ATP11B: variants seen among roughly 807,000 people sequenced by gnomAD.
ATP11B encodes phospholipid-transporting ATPase IF.
Under a neutral mutation model 157.8 loss-of-function variants are expected in ATP11B, and 81 were observed. The ratio of observed to expected loss-of-function variants is 0.51; its 90% CI spans 0.43 to 0.62. ATP11B has a LOEUF of 0.62. Ranked by LOEUF, ATP11B falls within the 20% of genes least tolerant of loss-of-function variation. ATP11B has a pLI of 0.00. For missense variants in ATP11B, 1,165 were observed against 1,402.2 expected, an observed-to-expected ratio of 0.83 and a Z score of 2.70; for synonymous variants, 451 against 469.4, an observed-to-expected ratio of 0.96 and a Z score of 0.51.
chr3:182,793,724 C>T lies in ATP11B; in HGVS notation c.-36C>T. 7.2e-7 allele frequency: 1 copy of T among 1,398,598 alleles called. No homozygotes were observed. Among genetic ancestry groups the T allele is most frequent in the South Asian group, 1.4e-5 (1 of 71,470 alleles). 86.6% of individuals were successfully genotyped at this position (1,398,598 alleles called of 1,614,324 possible). On this transcript the variant is annotated 5_prime_UTR_variant, in exon 1 of 30. Coordinates refer to ENST00000323116, the MANE Select transcript of ATP11B (RefSeq NM_014616.3). ...CCTCCACCTGCAGCCCCGCGGCCCC[C>T]GCGCCCCGCGGGACCCGGACGGCGA... is the stretch of plus-strand genomic sequence containing the variant.
chr3:182,862,909 T>TTTATTTAC (rs1720953025), intron 12 of ATP11B, among the ~76,000 whole-genome samples: 1 of 151,636 alleles, frequency 6.6e-6, no homozygotes, highest in African/African-American at 2.4e-5. Flanking sequence ...AGTTGATCCA[T>TTTATTTAC]TTATTTATTT....
At chr3:182,807,081 A>C (rs1716370897) in intron 1 of ATP11B, among the ~76,000 whole-genome samples, 1 of 152,218 alleles carries the variant, frequency 6.6e-6, no homozygotes, top group Non-Finnish European at 1.5e-5. Flanking sequence ...TTTGTGAAGT[A>C]AAGGGAACAG....
At chr3:182,860,380 T>C (rs1720742992) in intron 12 of ATP11B, among the ~76,000 whole-genome samples, 1 of 152,224 alleles carries the variant, frequency 6.6e-6, no homozygotes, top group South Asian at 2.1e-4. Context: ...TGATTCCCAA[T>C]TCTTTATGTA....
intron 12 of ATP11B, 111 bp from the exon 13 acceptor site, chr3:182,865,345 A>G (rs1211682930): frequency 1.4e-5 from 14 of 988,614 alleles, no homozygotes; most frequent in Non-Finnish European, 1.9e-5. Flanking sequence ...CCATATATCA[A>G]TATTAATAGA....
At chr3:182,816,751 C>T (rs554045374) in intron 1 of ATP11B, among the ~76,000 whole-genome samples, 9 of 152,270 alleles carry the variant, frequency 5.9e-5, no homozygotes, top group East Asian at 5.8e-4. Flanking sequence ...CCTATGTATA[C>T]GCTTATCAGA....
chr3:182,888,633 G>A (rs987455972), intron 24 of ATP11B, among the ~76,000 whole-genome samples: 6 of 151,956 alleles, frequency 3.9e-5, no homozygotes, highest in Non-Finnish European at 7.4e-5. Context: ...CAATCTTCCC[G>A]TCTTAACATC....
chr3:182,797,716 AAAAAG>A (rs1280569503), intron 1 of ATP11B, among the ~76,000 whole-genome samples: 3 of 151,458 alleles, frequency 2.0e-5, no homozygotes, highest in South Asian at 4.2e-4. Context: ...TCAAAAAAGA[AAAAAG>A]AAAAAAGAAA....
At chr3:182,812,556 T>C (rs1716737813) in intron 1 of ATP11B, among the ~76,000 whole-genome samples, 2 of 152,330 alleles carry the variant, frequency 1.3e-5, no homozygotes, top group Admixed American at 6.5e-5. Context: ...CATTTATTTT[T>C]ATCATAAATA....
chr3:182,809,857 C>A (rs1215690820), intron 1 of ATP11B, among the ~76,000 whole-genome samples: 2 of 152,102 alleles, frequency 1.3e-5, no homozygotes, highest in Non-Finnish European at 2.9e-5. Context: ...TAGCACATTA[C>A]AAGGCACATA....
intron 19 of ATP11B, among the ~76,000 whole-genome samples, chr3:182,878,588 C>G (rs564603144): frequency 6.6e-6 from 1 of 152,328 alleles, no homozygotes; most frequent in Admixed American, 6.5e-5. Context: ...CTTATCTCTT[C>G]CTGGCAACAA....
At chr3:182,865,377 G>A (rs149418725) in intron 12 of ATP11B, 79 bp from the exon 13 acceptor site, 9 of 1,436,158 alleles carry the variant, frequency 6.3e-6, no homozygotes, top group African/African-American at 2.9e-5. Context: ...TCAGGAGAGC[G>A]AGGACAGAGA....
chr3:182,818,978 G>A (rs1340846868), intron 1 of ATP11B, among the ~76,000 whole-genome samples: 1 of 150,218 alleles, frequency 6.7e-6, no homozygotes, highest in African/African-American at 2.4e-5. Context: ...TTTCCTGTTA[G>A]AACCAAAGAA....
intron 22 of ATP11B, 53 bp downstream of exon 22, chr3:182,884,951 A>G: frequency 1.2e-5 from 13 of 1,049,374 alleles, no homozygotes; most frequent in South Asian, 3.9e-5. Flanking sequence ...TGAAGTTTCA[A>G]TTTAAGGAAT....
At chr3:182,896,451 T>C (rs989671552) in intron 25 of ATP11B, among the ~76,000 whole-genome samples, 1 of 152,208 alleles carries the variant, frequency 6.6e-6, no homozygotes, top group Non-Finnish European at 1.5e-5. Context: ...TGCCACACCA[T>C]TCTAAACCCA....
At chr3:182,893,204 CTT>C (rs1560119158) in intron 25 of ATP11B, among the ~76,000 whole-genome samples, 1 of 151,932 alleles carries the variant, frequency 6.6e-6, no homozygotes, top group South Asian at 2.1e-4. Context: ...AAGCTTAAGA[CTT>C]TATTTTCTTG....
intron 7 of ATP11B, among the ~76,000 whole-genome samples, chr3:182,841,665 T>C (rs1719031062): frequency 6.6e-6 from 1 of 152,000 alleles, no homozygotes; most frequent in Non-Finnish European, 1.5e-5. Context: ...ATACAAATGG[T>C]TGATTTTTGT....
chr3:182,891,069 C>G (rs1723143743), intron 25 of ATP11B, among the ~76,000 whole-genome samples: 1 of 152,202 alleles, frequency 6.6e-6, no homozygotes, highest in Non-Finnish European at 1.5e-5. Context: ...TCATGATTCT[C>G]AATTCTTCTG....
chr3:182,904,965 T>C (rs1194925978), intron 28 of ATP11B, among the ~76,000 whole-genome samples: 1 of 152,076 alleles, frequency 6.6e-6, no homozygotes, highest in Non-Finnish European at 1.5e-5. Flanking sequence ...AAAGCTCATT[T>C]TGAGTATTTT....
intron 27 of ATP11B, among the ~76,000 whole-genome samples, chr3:182,898,229 T>G (rs1723698763): frequency 6.6e-6 from 1 of 152,142 alleles, no homozygotes; most frequent in African/African-American, 2.4e-5. Flanking sequence ...AATATGTTTT[T>G]GAAGAAGAGC....
Sources: gnomAD v4.1 joint callset for allele counts (sites outside exome capture counted in the v4.1 genomes callset) on GRCh38, gnomAD v4.1.1 for gene constraint, MANE v1.5 for transcripts, NCBI Gene and HGNC (gene_info 2026-07-23, HGNC 2026-07-21) for gene names.